DCDC1: variants seen among roughly 807,000 people sequenced by gnomAD.
DCDC1 encodes the protein doublecortin domain-containing protein 1.
A neutral mutation model predicts 178.3 loss-of-function variants in DCDC1; 200 were observed. The ratio of observed to expected loss-of-function variants is 1.12; its 90% CI spans 1.00 to 1.26. The LOEUF is 1.26. Among genes scored for constraint, DCDC1 ranks in the 50% most tolerant of loss-of-function variants. DCDC1 has a pLI of 0.00. For synonymous variants in DCDC1, 690 were observed against 604.8 expected, an observed-to-expected ratio of 1.14 and a Z score of -2.07; for missense variants, 1,983 against 1,749.2, an observed-to-expected ratio of 1.13 and a Z score of -2.38.
At chr11:31,067,575 C>G (rs1009290592) in intron 18 of DCDC1, among the ~76,000 whole-genome samples, 3 of 151,954 alleles carry the variant, frequency 2.0e-5, no homozygotes, top group African/African-American at 7.3e-5. Context: ...TACATACACA[C>G]AAAAACTTCC....
intron 31 of DCDC1, 62 bp downstream of exon 31, chr11:30,904,896 TAAG>T (rs1944949579): frequency 1.9e-6 from 3 of 1,587,896 alleles, no homozygotes; most frequent in Middle Eastern, 1.7e-4. Context: ...GCTTTTTCTT[TAAG>T]AAGAATTGCC....
chr11:31,304,831 T>C (rs1321253653), intron 6 of DCDC1, among the ~76,000 whole-genome samples: 2 of 152,138 alleles, frequency 1.3e-5, no homozygotes, highest in Non-Finnish European at 2.9e-5. Context: ...GCAAAGTCCT[T>C]ATTCCTGTTA....
intron 17 of DCDC1, among the ~76,000 whole-genome samples, chr11:31,078,573 G>A (rs1956996560): frequency 6.6e-6 from 1 of 152,182 alleles, no homozygotes; most frequent in Admixed American, 6.5e-5. Flanking sequence ...AAACATCAAA[G>A]GTTGAGTATA....
intron 3 of DCDC1, among the ~76,000 whole-genome samples, chr11:31,324,920 T>A (rs1275206002): frequency 6.6e-6 from 1 of 152,160 alleles, no homozygotes; most frequent in Non-Finnish European, 1.5e-5. Flanking sequence ...GGTTAGTATT[T>A]ACTTTTTAAA....
At chr11:31,227,226 G>C (rs1975098810) in intron 9 of DCDC1, among the ~76,000 whole-genome samples, 1 of 152,140 alleles carries the variant, frequency 6.6e-6, no homozygotes, top group African/African-American at 2.4e-5. Context: ...CAGTTCTGTA[G>C]ACTGTACAAG....
intron 15 of DCDC1, among the ~76,000 whole-genome samples, chr11:31,097,618 A>G (rs1443499509): frequency 6.6e-6 from 1 of 152,204 alleles, no homozygotes; most frequent in Non-Finnish European, 1.5e-5. Context: ...AGAGTAGAAA[A>G]TATCAGCAAG....
chr11:30,970,223 A>T (rs1408793124), intron 20 of DCDC1, among the ~76,000 whole-genome samples: 1 of 152,180 alleles, frequency 6.6e-6, no homozygotes, highest in Non-Finnish European at 1.5e-5. Flanking sequence ...ACATAGTGAG[A>T]TGCCTGGAGG....
chr11:31,054,275 C>T (rs1955446626), intron 20 of DCDC1, among the ~76,000 whole-genome samples: 1 of 150,526 alleles, frequency 6.6e-6, no homozygotes, highest in Admixed American at 6.6e-5. Flanking sequence ...AAGAATTTAC[C>T]TAACCAAGGA....
At chr11:30,921,810 C>T (rs878944557) in intron 24 of DCDC1, among the ~76,000 whole-genome samples, 1 of 152,162 alleles carries the variant, frequency 6.6e-6, no homozygotes, top group Non-Finnish European at 1.5e-5. Flanking sequence ...CAGCCAGCCA[C>T]GTGAACTGGG....
intron 20 of DCDC1, among the ~76,000 whole-genome samples, chr11:31,029,797 G>T (rs1379203431): frequency 6.6e-6 from 1 of 151,940 alleles, no homozygotes; most frequent in African/African-American, 2.4e-5. Context: ...ATGAGGTTTT[G>T]TCTTATATAT....
chr11:31,240,096 A>C (rs941797031), intron 9 of DCDC1, among the ~76,000 whole-genome samples: 4 of 151,902 alleles, frequency 2.6e-5, no homozygotes, highest in Admixed American at 6.6e-5. Flanking sequence ...ACATTAAATA[A>C]TTTTAAATTT....
chr11:31,195,931 A>G (rs984877006), intron 9 of DCDC1, among the ~76,000 whole-genome samples: 7 of 151,962 alleles, frequency 4.6e-5, no homozygotes, highest in Non-Finnish European at 8.8e-5. Context: ...GACTCTGACA[A>G]CTTTGAAGTT....
chr11:30,928,731 CAT>C (rs1173898667), intron 22 of DCDC1, among the ~76,000 whole-genome samples: 9 of 75,054 alleles, frequency 1.2e-4, no homozygotes, highest in South Asian at 4.8e-4. Flanking sequence ...CATAACATGA[CAT>C]GTTATTACAT....
intron 9 of DCDC1, among the ~76,000 whole-genome samples, chr11:31,229,613 C>T (rs952910977): frequency 1.3e-5 from 2 of 152,020 alleles, no homozygotes; most frequent in African/African-American, 4.8e-5. Flanking sequence ...CTCACACAGT[C>T]CCCAGGAAAC....
chr11:31,103,737 A>C lies in DCDC1; in HGVS notation c.1784T>G (p.Phe595Cys), dbSNP rs767497574. Residue 595 changes from phenylalanine to cysteine, a missense_variant, in exon 14 of 39, where the codon TTT (phenylalanine) becomes TGT (cysteine). Phe to Cys is a radical substitution (Grantham distance 205). Coordinates refer to ENST00000684477, the MANE Select transcript of DCDC1 (RefSeq NM_001387274.1). ...SPLNLALGLTFDRVSAFARGD... is the reference protein window; with the variant it reads ...SPLNLALGLTCDRVSAFARGD... ...TCTGGCAAATGCACTCACTCGGTCA[A>C]AGGTCAAACCCAAAGCAAGATTTAG... 5.2e-6 allele frequency: 4 copies of C among 765,610 alleles called. No homozygotes were observed. The East Asian group carries it at 9.7e-5, about 19-fold the overall frequency. The allele number at this position is 765,610 out of a possible 1,614,324, so 47.4% of individuals were successfully genotyped here.
chr11:31,075,199 T>A (rs1477290235), intron 18 of DCDC1, among the ~76,000 whole-genome samples: 1 of 152,182 alleles, frequency 6.6e-6, no homozygotes, highest in African/African-American at 2.4e-5. Flanking sequence ...GTCAGTTGCA[T>A]CCATGTTGCA....
At chr11:31,323,663 TA>T (rs1949494940) in intron 3 of DCDC1, among the ~76,000 whole-genome samples, 1 of 152,080 alleles carries the variant, frequency 6.6e-6, no homozygotes, top group South Asian at 2.1e-4. Context: ...TAATGGTAAT[TA>T]AGCTCTTGAA....
chr11:31,059,423 G>A (rs1955793525), intron 20 of DCDC1, among the ~76,000 whole-genome samples: 1 of 151,968 alleles, frequency 6.6e-6, no homozygotes, highest in South Asian at 2.1e-4. Flanking sequence ...ATAATTTCAT[G>A]TTCTTAAATA....
intron 4 of DCDC1, 105 bp downstream of exon 4, chr11:31,307,531 TGTG>T (rs1565588215): frequency 4.8e-5 from 68 of 1,410,754 alleles, no homozygotes; most frequent in Non-Finnish European, 6.2e-5. Context: ...ACCCGAGAGA[TGTG>T]TTACATTTTA....
Sources: allele counts gnomAD v4.1 joint callset (sites outside exome capture counted in the v4.1 genomes callset), GRCh38; gene constraint gnomAD v4.1.1; transcripts MANE v1.5; gene names NCBI Gene and HGNC (gene_info 2026-07-23, HGNC 2026-07-21).